Variants in NLRC5 observed in about 807,000 individuals in gnomAD.
NLRC5 encodes the protein NLR family CARD domain containing 5, also known as protein NLRC5.
A neutral mutation model predicts 206.9 loss-of-function variants in NLRC5; 114 were observed. The ratio of observed to expected loss-of-function variants is 0.55; its 90% CI spans 0.47 to 0.64. The LOEUF is 0.64. Ranked by LOEUF, NLRC5 falls within the 30% of genes least tolerant of loss-of-function variation. The pLI, the probability that NLRC5 is intolerant of heterozygous loss-of-function variation, is 0.00. For synonymous variants in NLRC5, 952 were observed against 962.8 expected (o/e 0.99, Z 0.21); for missense variants, 2,008 against 2,305.5 (o/e 0.87, Z 2.64).
chr16:57,044,915 A>G (rs1418144824), intron 20 of NLRC5, among the ~76,000 whole-genome samples: 2 of 146,748 alleles, frequency 1.4e-5, no homozygotes, highest in African/African-American at 2.5e-5. Flanking sequence ...GTCTCAAAGA[A>G]AAAAAAATGT....
chr16:57,059,242 G>C lies in NLRC5; in HGVS notation c.3920+181G>C, dbSNP rs80024621. ...CATGGGATCATAATTTCTATCCCCT[G>C]ATGCCCGGGTGCCATGGGGACCATG... is the stretch of plus-strand genomic sequence containing the variant. On this transcript the variant is annotated intron_variant, in intron 29 of 48. Coordinates refer to ENST00000688547, the MANE Select transcript of NLRC5 (RefSeq NM_001384950.1). 8.1e-5 allele frequency: 120 copies of C among 1,479,484 alleles called. No homozygotes were observed. In the East Asian group the frequency reaches 2.1e-3, roughly 26 times the overall value. 91.6% of individuals were successfully genotyped at this position (1,479,484 alleles called of 1,614,324 possible).
chr16:57,030,089 G>A lies in NLRC5; in HGVS notation c.2417+5G>A. 6.2e-7 allele frequency: 1 copy of A among 1,613,186 alleles called. No homozygotes were observed. The highest frequency in any genetic ancestry group is 1.1e-5 in the South Asian group (1 of 91,050). ...CGTCAGGATGCTTCAGGCCAGGTGA[G>A]CAGAAGGAAAGGGATCTTGGCCTTA... On this transcript the variant is annotated splice_donor_5th_base_variant and intron_variant, in intron 10 of 48. Coordinates refer to ENST00000688547, the MANE Select transcript of NLRC5 (RefSeq NM_001384950.1).
chr16:56,996,310 T>C (rs1232958971), intron 1 of NLRC5, among the ~76,000 whole-genome samples: 1 of 152,154 alleles, frequency 6.6e-6, no homozygotes, highest in Admixed American at 6.5e-5. Flanking sequence ...CCCAAGTAGA[T>C]GGGACTACAG....
chr16:57,081,691 G>A (rs2069169093), intron 48 of NLRC5, 81 bp downstream of exon 48: 5 of 1,265,922 alleles, frequency 3.9e-6, no homozygotes. Context: ...CCTGGAGGAG[G>A]CGGCAGGGCC....
chr16:57,071,443 T>C (rs1567640398), intron 38 of NLRC5, among the ~76,000 whole-genome samples: 1 of 96,324 alleles, frequency 1.0e-5, no homozygotes, highest in Non-Finnish European at 2.1e-5. Flanking sequence ...TGGGGAAGGG[T>C]TGTGAGTGAG....
chr16:57,081,376 C>T, intron 47 of NLRC5, 151 bp from the exon 48 acceptor site: 3 of 885,602 alleles, frequency 3.4e-6, no homozygotes, highest in Non-Finnish European at 3.6e-6. Flanking sequence ...GCACCTGCCA[C>T]CAGTCCCCTG....
Position 57,008,714 on chromosome 16 carries a change from CA to C in NLRC5, c.-127-8356del, listed in dbSNP as rs1368995002. Among the ~76,000 whole-genome samples, 5 of 146,122 alleles carry C rather than the reference CA, an allele frequency of 3.4e-5. No individual in the cohort carries two copies. In the East Asian group the frequency reaches 8.3e-4, roughly 24 times the overall value. ...TTGATATACATTTATCGAAATTGGC[CA>C]AAAGTGTTTTATTATTTTTTAAAAG... On this transcript the variant is annotated intron_variant, in intron 1 of 48. Coordinates refer to ENST00000688547, the MANE Select transcript of NLRC5 (RefSeq NM_001384950.1).
intron 32 of NLRC5, 73 bp from the exon 33 acceptor site, chr16:57,065,139 C>G: frequency 9.6e-7 from 1 of 1,042,362 alleles, no homozygotes; most frequent in Non-Finnish European, 1.3e-6. Flanking sequence ...ACTCCTCCCC[C>G]GGCCCCGTCA....
chr16:57,049,461 G>A (rs148794434), intron 23 of NLRC5, among the ~76,000 whole-genome samples: 400 of 151,364 alleles, frequency 2.6e-3, no homozygotes, highest in African/African-American at 8.9e-3. Flanking sequence ...CTGGCGGCCC[G>A]GCACGGTGAC....
intron 20 of NLRC5, chr16:57,045,222 G>A (rs950194462): frequency 1.8e-6 from 1 of 553,124 alleles, no homozygotes; most frequent in East Asian, 3.1e-5. Context: ...CAACAACAAA[G>A]AAGAATTTCT....
At position 57,026,730 on chromosome 16, in the gene NLRC5, T is replaced by C; in HGVS notation, c.1787T>C (p.Val596Ala). The change falls in exon 6 of 49, where the codon GTG becomes GCG. Residue 596 changes from valine (V) to alanine (A), a missense_variant. Coordinates refer to ENST00000688547, the MANE Select transcript of NLRC5 (RefSeq NM_001384950.1). ...GTGGGTGCCAAGCAGGCTGCTGTAG[T>C]GCAGGTGTTGAAGAAGTTGGCCACC... ...DCVGAKQAAV[V>A]QVLKKLATRK... 1 of 1,614,030 alleles carries C rather than the reference T, an allele frequency of 6.2e-7. No individual in the cohort carries two copies. The highest frequency in any genetic ancestry group is 8.5e-7 in the Non-Finnish European group (1 of 1,179,914).
intron 1 of NLRC5, chr16:57,004,088 T>G (rs2058627948): frequency 6.6e-6 from 1 of 151,816 alleles, no homozygotes. Context: ...GAAGGAGAAG[T>G]CTGCAAGGTA....
intron 1 of NLRC5, among the ~76,000 whole-genome samples, chr16:57,011,708 A>G (rs1167514): frequency 0.3 from 42,963 of 141,108 alleles, 6,327 homozygotes; most frequent in Non-Finnish European, 0.34. Context: ...GTGACAGAGC[A>G]AGACCCTGTG....
chr16:57,037,818 C>G (rs1429324969), intron 15 of NLRC5, among the ~76,000 whole-genome samples: 12 of 152,268 alleles, frequency 7.9e-5, no homozygotes, highest in Middle Eastern at 3.4e-3. Context: ...GAGGTGAGGA[C>G]AGATGATGAT....
chr16:57,036,870 A>G (rs1174434933), intron 14 of NLRC5, among the ~76,000 whole-genome samples: 1 of 152,160 alleles, frequency 6.6e-6, no homozygotes, highest in African/African-American at 2.4e-5. Context: ...ATATATGTAC[A>G]AAGCCTTTTG....
At chr16:56,999,347 G>T (rs2057994624) in intron 1 of NLRC5, among the ~76,000 whole-genome samples, 1 of 152,240 alleles carries the variant, frequency 6.6e-6, no homozygotes, top group Non-Finnish European at 1.5e-5. Flanking sequence ...TAAGGTCAAA[G>T]GGTAGAAGCG....
At chr16:57,059,087 GC>G (rs756509299) in intron 29 of NLRC5, 26 bp downstream of exon 29, 7 of 1,613,316 alleles carry the variant, frequency 4.3e-6, no homozygotes, top group Non-Finnish European at 5.1e-6. Flanking sequence ...TCCCCGAAAA[GC>G]CCCTTTCTGC....
chr16:57,051,534 A>G lies in NLRC5; in HGVS notation c.3423-4A>G, dbSNP rs749016186. ...CCACCTCATCCACCTGCTTTGTTTC[A>G]CAGATTGTCCTGTGAGTTCCTGAGT... On this transcript the variant is annotated splice_region_variant and splice_polypyrimidine_tract_variant and intron_variant, in intron 23 of 48. Transcript: ENST00000688547. 19 of 1,612,554 alleles carry G rather than the reference A, an allele frequency of 1.2e-5. No individual in the cohort carries two copies. Among genetic ancestry groups the G allele is most frequent in the Non-Finnish European group, 1.4e-5 (17 of 1,178,744 alleles).
rs1366418703 is a variant in NLRC5 at position 57,020,887 on chromosome 16, A to G, written c.175A>G (p.Asn59Asp). 6.2e-7 allele frequency: 1 copy of G among 1,613,900 alleles called. No homozygotes were observed. The highest frequency in any genetic ancestry group is 1.1e-5 in the South Asian group (1 of 91,070). The change falls in exon 3 of 49, where the codon AAC (asparagine) becomes GAC (aspartate). Residue 59 changes from asparagine to aspartate, a missense_variant. Coordinates refer to ENST00000688547, the MANE Select transcript of NLRC5 (RefSeq NM_001384950.1). Reference sequence around the variant, plus strand: ...TGAACAGAGAGTCATCCTGCAACTCAACAAGCTGCATGTCCAGGGTTCGGA... The same window carrying G: ...TGAACAGAGAGTCATCCTGCAACTCGACAAGCTGCATGTCCAGGGTTCGGA... ...DPEQRVILQL[N>D]KLHVQGSDTW...
Sources: allele counts gnomAD v4.1 joint callset (sites outside exome capture counted in the v4.1 genomes callset), GRCh38; gene constraint gnomAD v4.1.1; transcripts MANE v1.5; gene names NCBI Gene and HGNC (gene_info 2026-07-23, HGNC 2026-07-21).